SAMM50: variants seen among roughly 807,000 people sequenced by gnomAD.
The protein encoded by SAMM50 is SAMM50 sorting and assembly machinery component, also known as sorting and assembly machinery component 50 homolog.
A neutral mutation model predicts 66.9 loss-of-function variants in SAMM50; 47 were observed. The observed-to-expected ratio is 0.70, with a 90% CI of 0.56 to 0.90. The LOEUF (loss-of-function observed/expected upper bound fraction) is 0.90. SAMM50 is among the 40% of genes least tolerant of loss of function. The pLI is 0.00. For synonymous variants in SAMM50, 191 were observed against 214.1 expected (o/e 0.89, Z 0.94); for missense variants, 535 against 595.3 (o/e 0.90, Z 1.05).
intron 10 of SAMM50, among the ~76,000 whole-genome samples, chr22:43,978,619 T>A (rs1447028063): frequency 6.6e-6 from 1 of 151,690 alleles, no homozygotes; most frequent in Non-Finnish European, 1.5e-5. Context: ...TCTACAGGGC[T>A]CTGGGTGCTT....
intron 14 of SAMM50, among the ~76,000 whole-genome samples, chr22:43,993,279 G>A (rs965207454): frequency 5.9e-5 from 9 of 152,238 alleles, no homozygotes; most frequent in African/African-American, 9.6e-5. Context: ...TGCACGTCTC[G>A]GGCAGGGAGG....
Position 43,981,379 on chromosome 22 carries a change from C to T in SAMM50, c.937-12C>T, listed in dbSNP as rs925985891. 6.2e-7 allele frequency: 1 copy of T among 1,610,044 alleles called. No homozygotes were observed. Among genetic ancestry groups the T allele is most frequent in the Non-Finnish European group, 8.5e-7 (1 of 1,176,670 alleles). On this transcript the variant is annotated splice_polypyrimidine_tract_variant and intron_variant, in intron 10 of 14. Transcript: ENST00000350028. ...GCTGGGAGAAAACAACCATTTGTTT[C>T]TATTTGAACAGGTTTTTTCAGCGTC... is the stretch of plus-strand genomic sequence containing the variant.
Position 43,976,114 on chromosome 22 carries a change from C to T in SAMM50, c.708C>T (p.Gly236=). ...VKWEGVWREL[G]CLSRTASFAV... ...GGGAAGGCGTATGGCGAGAACTGGG[C>T]TGCCTCTCAAGGACGGCGTCATTTG... Residue 236 remains glycine (G), a synonymous_variant, in exon 8 of 15, where the codon GGC becomes GGT. Coordinates refer to ENST00000350028, the MANE Select transcript of SAMM50 (RefSeq NM_015380.5). 5 of 1,612,652 alleles carry T rather than the reference C, an allele frequency of 3.1e-6. No individual in the cohort carries two copies. Among genetic ancestry groups the T allele is most frequent in the Non-Finnish European group, 4.2e-6 (5 of 1,178,672 alleles).
At chr22:43,968,264 A>G (rs1363912597) in intron 3 of SAMM50, among the ~76,000 whole-genome samples, 1 of 150,804 alleles carries the variant, frequency 6.6e-6, no homozygotes, top group African/African-American at 2.4e-5. Context: ...AGAAAAAAAG[A>G]AAAAAAAAGA....
rs369254324 is a variant in SAMM50, at chr22:43,955,597, G to A, written c.20G>A (p.Arg7Gln). The A allele has an allele frequency of 3.9e-5, 63 of 1,597,414 alleles. No individual in the cohort carries two copies. The African/African-American group carries it at 6.3e-4, about 16-fold the overall frequency. The part of the protein sequence containing the change: MGTVHA[R>Q]SLEPLPSSGP... ...GGAACCATGGGGACTGTGCACGCCC[G>A]GGTAAGAGGCCCAGCGACCCGCGGG... Residue 7 changes from arginine to glutamine, a missense_variant and splice_region_variant, in exon 1 of 15, where the codon CGG (arginine) becomes CAG (glutamine). Physicochemically the swap from Arg to Gln is conservative, Grantham distance 43. Transcript: ENST00000350028.
rs774691471 is a variant in SAMM50, at chr22:43,981,381, A to G, written c.937-10A>G. On this transcript the variant is annotated splice_polypyrimidine_tract_variant and intron_variant, in intron 10 of 14. Coordinates refer to ENST00000350028, the MANE Select transcript of SAMM50 (RefSeq NM_015380.5). ...TGGGAGAAAACAACCATTTGTTTCT[A>G]TTTGAACAGGTTTTTTCAGCGTCTT... 10 of 1,611,262 alleles carry G rather than the reference A, an allele frequency of 6.2e-6. No individual in the cohort carries two copies. Among genetic ancestry groups the G allele is most frequent in the South Asian group, 1.1e-5 (1 of 91,018 alleles).
chr22:43,960,665 G>T (rs1362541441), intron 1 of SAMM50, among the ~76,000 whole-genome samples: 3 of 152,126 alleles, frequency 2.0e-5, no homozygotes, highest in African/African-American at 7.2e-5. Flanking sequence ...GGAGGTGGAG[G>T]TTGCAGTGAG....
intron 7 of SAMM50, chr22:43,975,395 A>G (rs1275869585): frequency 6.6e-6 from 1 of 152,298 alleles, no homozygotes; most frequent in Non-Finnish European, 1.5e-5. Context: ...TGAGAGTTAA[A>G]TCACTGTCCT....
intron 5 of SAMM50, among the ~76,000 whole-genome samples, 155 bp downstream of exon 5, chr22:43,972,497 G>T (rs935523971): frequency 2.0e-5 from 3 of 152,202 alleles, no homozygotes; most frequent in African/African-American, 7.2e-5. Flanking sequence ...AATCACCGTA[G>T]AATTGGTGAT....
intron 2 of SAMM50, among the ~76,000 whole-genome samples, 186 bp downstream of exon 2, chr22:43,963,582 C>T (rs907490588): frequency 2.4e-4 from 37 of 152,222 alleles, no homozygotes; most frequent in African/African-American, 9.7e-5. Flanking sequence ...AGAAGTCGCT[C>T]TTCCTTGGTG....
At chr22:43,970,982 T>C (rs1212348356) in intron 4 of SAMM50, among the ~76,000 whole-genome samples, 3 of 152,128 alleles carry the variant, frequency 2.0e-5, no homozygotes, top group East Asian at 1.9e-4. Context: ...CTGGTCAACA[T>C]GGTGAAACCC....
At chr22:43,986,187 G>A (rs1203567199) in intron 12 of SAMM50, among the ~76,000 whole-genome samples, 1 of 150,324 alleles carries the variant, frequency 6.7e-6, no homozygotes, top group African/African-American at 2.5e-5. Flanking sequence ...GATTACAGGT[G>A]CCCGCCACCA....
chr22:43,965,184 T>TAAAAAAAAAAAA (rs34840511), intron 3 of SAMM50, among the ~76,000 whole-genome samples: 1 of 133,056 alleles, frequency 7.5e-6, no homozygotes. Context: ...CATTCCCACT[T>TAAAAAAAAAAAA]AAAAAAAAAA....
At chr22:43,960,350 T>G (rs182926968) in intron 1 of SAMM50, among the ~76,000 whole-genome samples, 1 of 152,214 alleles carries the variant, frequency 6.6e-6, no homozygotes, top group Non-Finnish European at 1.5e-5. Context: ...TCAGTACTTA[T>G]TTGTTAAATG....
In SAMM50 at chr22:43,976,765, G is replaced by A. The variant is rs772784326; in HGVS notation, c.793G>A (p.Asp265Asn). 3.1e-6 allele frequency: 5 copies of A among 1,612,116 alleles called. No individual in the cohort carries two copies. Among genetic ancestry groups the A allele is most frequent in the Non-Finnish European group, 4.2e-6 (5 of 1,178,858 alleles). The change falls in exon 9 of 15, where the codon GAT becomes AAT. Residue 265 changes from aspartate (D) to asparagine (N), a missense_variant. Transcript: ENST00000350028. ...TTTCTTTCAGCACGCCATGGTCATCGATTCTCGGAATTCTTCCATCTTACC... is the reference window on the plus strand; with the variant it reads ...TTTCTTTCAGCACGCCATGGTCATCAATTCTCGGAATTCTTCCATCTTACC... ...KSSLSHAMVI[D>N]SRNSSILPRR...
intron 5 of SAMM50, among the ~76,000 whole-genome samples, 192 bp downstream of exon 5, chr22:43,972,534 A>G (rs1426157811): frequency 1.3e-5 from 2 of 152,242 alleles, no homozygotes; most frequent in East Asian, 1.9e-4. Context: ...TTTGATAACA[A>G]TGTTAACGTT....
chr22:43,990,181 G>C (rs752564482), intron 13 of SAMM50, 84 bp from the exon 14 acceptor site: 1 of 1,542,892 alleles, frequency 6.5e-7, no homozygotes, highest in Non-Finnish European at 8.9e-7. Context: ...GCCCAGCCAG[G>C]GGGAGCCAGG....
At chr22:43,968,586 A>C (rs923558770) in intron 3 of SAMM50, 145 bp from the exon 4 acceptor site, 2 of 620,624 alleles carry the variant, frequency 3.2e-6, no homozygotes, top group Non-Finnish European at 5.8e-6. Context: ...CCCTTCTGTC[A>C]TGTGGCTGGT....
In SAMM50 at chr22:43,972,229, T is replaced by A. The variant is rs539966496; in HGVS notation, c.323-7T>A. The A allele has an allele frequency of 4.6e-6, 7 of 1,532,828 alleles. No individual in the cohort carries two copies. The South Asian group carries it at 8.6e-5, about 19-fold the overall frequency. The allele number at this position is 1,532,828 out of a possible 1,614,324, so 95.0% of individuals were successfully genotyped here. ...GCTGTCTTATTGTTTAATATTTTTT[T>A]ATTTAGGTGATGACGCACTTCCAAA... On this transcript the variant is annotated splice_region_variant and splice_polypyrimidine_tract_variant and intron_variant, in intron 4 of 14. Transcript: ENST00000350028.
Sources: gnomAD v4.1 joint callset for allele counts (sites outside exome capture counted in the v4.1 genomes callset) on GRCh38, gnomAD v4.1.1 for gene constraint, MANE v1.5 for transcripts, NCBI Gene and HGNC (gene_info 2026-07-23, HGNC 2026-07-21) for gene names.